NCOA2: variants seen among roughly 807,000 people sequenced by gnomAD.
The protein encoded by NCOA2 is class E basic helix-loop-helix protein 75.
A neutral mutation model predicts 145.1 loss-of-function variants in NCOA2; 21 were observed. That is an observed-to-expected ratio of 0.14 (90% CI 0.10 to 0.21). The LOEUF is 0.21. NCOA2 is among the 10% of genes least tolerant of loss of function. The pLI is 1.00. For missense variants in NCOA2, 1,472 were observed against 1,837.6 expected, an observed-to-expected ratio of 0.80 and a Z score of 3.64; for synonymous variants, 619 against 637.5, an observed-to-expected ratio of 0.97 and a Z score of 0.44.
chr8:70,197,692 T>A (rs1342131974), intron 4 of NCOA2, among the ~76,000 whole-genome samples: 1 of 152,240 alleles, frequency 6.6e-6, no homozygotes, highest in African/African-American at 2.4e-5. Flanking sequence ...TTCCAGACCA[T>A]ATCATTGGAA....
Position 70,174,874 on chromosome 8 carries a change from A to G in NCOA2, c.260-15T>C. Reference sequence around the variant, plus strand: ...TGCTGCTTTCTCTGCAATAAACATAAGTGTGAATTAAATGGCAGTGCTATT... The same window carrying G: ...TGCTGCTTTCTCTGCAATAAACATAGGTGTGAATTAAATGGCAGTGCTATT... On this transcript the variant is annotated splice_polypyrimidine_tract_variant and intron_variant, in intron 4 of 22. Transcript: ENST00000452400. 1 of 1,607,050 alleles carries G rather than the reference A, an allele frequency of 6.2e-7. No individual in the cohort carries two copies.
At chr8:70,446,865 C>T in the NCOA2 span, among the ~76,000 whole-genome samples, 4 of 152,160 alleles carry the variant, frequency 2.6e-5, no homozygotes, top group Admixed American at 6.5e-5. Flanking sequence ...TTGATGTTCA[C>T]CCCAAACTAT....
At chr8:70,139,311 C>T (rs1394335108) in intron 14 of NCOA2, among the ~76,000 whole-genome samples, 2 of 152,174 alleles carry the variant, frequency 1.3e-5, no homozygotes, top group African/African-American at 4.8e-5. Context: ...ATATTTCCAG[C>T]TCAAGAGCCA....
At chr8:70,132,544 T>C (rs980156225) in intron 15 of NCOA2, among the ~76,000 whole-genome samples, 1 of 152,168 alleles carries the variant, frequency 6.6e-6, no homozygotes, top group African/African-American at 2.4e-5. Context: ...AATTTCTTAG[T>C]CATGCACAAG....
At chr8:70,326,420 TTCTC>T (rs201624419) in intron 1 of NCOA2, among the ~76,000 whole-genome samples, 10 of 140,768 alleles carry the variant, frequency 7.1e-5, no homozygotes, top group African/African-American at 1.7e-4. Flanking sequence ...CTTTCTGCAT[TTCTC>T]TCTCTCACAC....
At chr8:70,218,242 GAAGA>G (rs1819830254) in intron 2 of NCOA2, among the ~76,000 whole-genome samples, 1 of 137,180 alleles carries the variant, frequency 7.3e-6, no homozygotes, top group African/African-American at 2.7e-5. Context: ...TAAGCAGAAT[GAAGA>G]AATACTGTAT....
chr8:70,343,726 G>A (rs576101566), intron 1 of NCOA2, among the ~76,000 whole-genome samples: 6 of 151,612 alleles, frequency 4.0e-5, no homozygotes, highest in African/African-American at 1.5e-4. Flanking sequence ...CAGGAGAATC[G>A]CTTGAACCCG....
intron 4 of NCOA2, among the ~76,000 whole-genome samples, chr8:70,199,308 G>A (rs755451732): frequency 3.9e-5 from 6 of 151,908 alleles, no homozygotes; most frequent in Admixed American, 6.6e-5. Context: ...AAAATTACCT[G>A]GGTGTGGTGG....
the NCOA2 span, among the ~76,000 whole-genome samples, chr8:70,435,950 C>T: frequency 6.6e-6 from 1 of 152,074 alleles, no homozygotes; most frequent in African/African-American, 2.4e-5. Context: ...AGGTGCGTGC[C>T]ACGACGTCTG....
In NCOA2 at chr8:70,248,401, C is replaced by CA. The variant is rs1259724312; in HGVS notation, c.-19-31638dup. 1.3e-3 allele frequency among the ~76,000 whole-genome samples: 193 copies of CA among 152,318 alleles called. 1 individual carries two copies. Among genetic ancestry groups the CA allele is most frequent in the African/African-American group, 4.4e-3 (181 of 41,578 alleles). On this transcript the variant is annotated intron_variant, in intron 2 of 22. Coordinates refer to ENST00000452400, the MANE Select transcript of NCOA2 (RefSeq NM_006540.4). ...CTCCACATCTCCTCATCCCTGCCAA[C>CA]AACCACGATACTCTGATTTTCTGTT... is the stretch of plus-strand genomic sequence containing the variant.
At chr8:70,159,386 A>C in intron 10 of NCOA2, 119 bp downstream of exon 10, 1 of 902,966 alleles carries the variant, frequency 1.1e-6, no homozygotes, top group East Asian at 2.5e-5. Context: ...ATTTTACATT[A>C]CTGGGATTGA....
chr8:70,414,801 C>T, the NCOA2 span, among the ~76,000 whole-genome samples: 1 of 152,148 alleles, frequency 6.6e-6, no homozygotes, highest in Admixed American at 6.5e-5. Context: ...GACTTCAAAG[C>T]CCTTCATAAA....
chr8:70,245,861 T>C (rs2958366), intron 2 of NCOA2, among the ~76,000 whole-genome samples: 109,070 of 151,944 alleles, frequency 0.72, 41,300 homozygotes, highest in Non-Finnish European at 0.84. Flanking sequence ...ATCTGACAAA[T>C]CTGGCATAAT....
At chr8:70,250,333 C>CA (rs1823039254) in intron 2 of NCOA2, among the ~76,000 whole-genome samples, 1 of 135,730 alleles carries the variant, frequency 7.4e-6, no homozygotes. Context: ...CCAAGGTCTG[C>CA]AGTGAGCCAT....
chr8:70,400,944 T>C (rs917517576), intron 1 of NCOA2, among the ~76,000 whole-genome samples: 2 of 152,336 alleles, frequency 1.3e-5, no homozygotes, highest in East Asian at 3.9e-4. Context: ...ATTAAATTCA[T>C]GGGATACTTA....
intron 1 of NCOA2, among the ~76,000 whole-genome samples, chr8:70,297,977 A>T (rs149887601): frequency 1.3e-5 from 2 of 152,196 alleles, no homozygotes; most frequent in African/African-American, 4.8e-5. Context: ...GCTACTAGTA[A>T]CGATACTGAA....
At position 70,200,164 on chromosome 8, in the gene NCOA2, T is replaced by C. The variant is rs569337363; in HGVS notation, c.259+13739A>G. Among the ~76,000 whole-genome samples the C allele has an allele frequency of 3.9e-5, 6 of 152,298 alleles. No individual in the cohort carries two copies. In the East Asian group the frequency reaches 1.2e-3, roughly 29 times the overall value. ...TACACAAATACTATACCACTTTATA[T>C]CAGGGACATAAGCATCCAAGGATTT... On this transcript the variant is annotated intron_variant, in intron 4 of 22. Transcript: ENST00000452400.
chr8:70,236,340 A>C (rs1821601786), intron 2 of NCOA2, among the ~76,000 whole-genome samples: 1 of 152,152 alleles, frequency 6.6e-6, no homozygotes, highest in Non-Finnish European at 1.5e-5. Flanking sequence ...TCTCAAACGT[A>C]ATACAAGGTG....
At chr8:70,187,688 T>C (rs549851973) in intron 4 of NCOA2, among the ~76,000 whole-genome samples, 142 of 152,328 alleles carry the variant, frequency 9.3e-4, no homozygotes, top group Middle Eastern at 6.8e-3. Flanking sequence ...GAAAAAGACA[T>C]GGTAATTAAG....
Sources: gnomAD v4.1 joint callset for allele counts (sites outside exome capture counted in the v4.1 genomes callset) on GRCh38, gnomAD v4.1.1 for gene constraint, MANE v1.5 for transcripts, NCBI Gene and HGNC (gene_info 2026-07-23, HGNC 2026-07-21) for gene names.